The following ASTE1 variants were observed in gnomAD, a reference collection of about 807,000 sequenced individuals.
ASTE1 encodes single-strand DNA endonuclease ASTE1.
In ASTE1, 49 loss-of-function variants were observed where a neutral mutation model predicts 45.8. That is an observed-to-expected ratio of 1.07 (90% CI 0.85 to 1.36). The LOEUF is 1.36. Ranked by LOEUF, ASTE1 falls within the 40% of genes most tolerant of loss-of-function variation. The pLI, the probability that ASTE1 is intolerant of heterozygous loss-of-function variation, is 0.00. For synonymous variants in ASTE1, 296 were observed against 303.9 expected, an observed-to-expected ratio of 0.97 and a Z score of 0.27; for missense variants, 709 against 804.0, an observed-to-expected ratio of 0.88 and a Z score of 1.43.
rs1048793968 is a variant in ASTE1, at chr3:131,017,088, C to G, written c.1514-749G>C. On this transcript the variant is annotated intron_variant, in intron 4 of 5. Coordinates refer to ENST00000264992, the MANE Select transcript of ASTE1 (RefSeq NM_014065.4). ...AACAGACCCTTGACATGCCCCTTCTCTTGGACTCAGGTAAAAACTTAATAG... is the reference window on the plus strand; with the variant it reads ...AACAGACCCTTGACATGCCCCTTCTGTTGGACTCAGGTAAAAACTTAATAG... 25 of 1,274,766 alleles carry G rather than the reference C, an allele frequency of 2.0e-5. No individual in the cohort carries two copies. In the African/African-American group the frequency reaches 3.8e-4, roughly 20 times the overall value. 79.0% of individuals were successfully genotyped at this position (1,274,766 alleles called of 1,614,324 possible). A position where few individuals can be genotyped will look rare whatever the true frequency, so the allele number is the denominator to read the frequency against.
intron 4 of ASTE1, 143 bp from the exon 5 acceptor site, chr3:131,016,482 G>A (rs2063639297): frequency 1.1e-6 from 1 of 903,732 alleles, no homozygotes; most frequent in Non-Finnish European, 1.7e-6. Flanking sequence ...CTTCATAAAT[G>A]CCTTGCTGTA....
In ASTE1 at chr3:131,024,101, GA is replaced by G. The variant is rs751403128; in HGVS notation, c.1205del (p.Phe402SerfsTer19). ...TTTTATTAATCCTTTCCACTTCACT[GA>G]AAGCTAGAGGCTGAGGAGGCAATGC... ...WNALPPQPLA[F>X]SEVERINKNI... is the part of the protein sequence containing the mutation. On this transcript the variant is annotated frameshift_variant, in exon 3 of 6. Transcript: ENST00000264992. LOFTEE classifies it high-confidence loss of function. 6 of 1,614,226 alleles carry G rather than the reference GA, an allele frequency of 3.7e-6. No homozygotes were observed. Among genetic ancestry groups the G allele is most frequent in the Non-Finnish European group, 5.1e-6 (6 of 1,180,016 alleles).
intron 3 of ASTE1, among the ~76,000 whole-genome samples, chr3:131,022,644 G>A (rs2063758771): frequency 6.6e-6 from 1 of 152,058 alleles, no homozygotes; most frequent in South Asian, 2.1e-4. Flanking sequence ...ATAAACTTGT[G>A]CAGCCATCAC....
At position 131,018,744 on chromosome 3, in the gene ASTE1, A is replaced by G. The variant is rs367878698; in HGVS notation, c.1303-28T>C. The G allele has an allele frequency of 5.6e-6, 9 of 1,603,912 alleles. No individual in the cohort carries two copies. In the African/African-American group the frequency reaches 1.2e-4, roughly 21 times the overall value. ...GAAAATACACACCAAGTATCCTGCA[A>G]GTTACTTTGGGAAATGTCTGTTATT... is the stretch of plus-strand genomic sequence containing the variant. On this transcript the variant is annotated intron_variant, in intron 3 of 5. Coordinates refer to ENST00000264992, the MANE Select transcript of ASTE1 (RefSeq NM_014065.4).
intron 4 of ASTE1, among the ~76,000 whole-genome samples, chr3:131,017,216 TTTGTG>T (rs2063662260): frequency 6.6e-6 from 1 of 152,234 alleles, no homozygotes; most frequent in Non-Finnish European, 1.5e-5. Context: ...ACTGATTTGT[TTTGTG>T]TTAAGTTGGC....
At chr3:131,018,303 G>A (rs1560059731) in intron 4 of ASTE1, among the ~76,000 whole-genome samples, 1 of 152,154 alleles carries the variant, frequency 6.6e-6, no homozygotes, top group Non-Finnish European at 1.5e-5. Context: ...TAAGATTCAA[G>A]CCCTCCAGCA....
intron 1 of ASTE1, among the ~76,000 whole-genome samples, chr3:131,026,035 G>T (rs1161111446): frequency 6.6e-6 from 1 of 152,200 alleles, no homozygotes; most frequent in Middle Eastern, 3.4e-3. Context: ...AACTTAACTC[G>T]CAGGATCAGA....
At chr3:131,018,843 T>TG in intron 3 of ASTE1, 127 bp from the exon 4 acceptor site, 2 of 927,590 alleles carry the variant, frequency 2.2e-6, no homozygotes, top group East Asian at 2.6e-5. Context: ...TATCTTCTTG[T>TG]GGGAAAAAAA....
intron 5 of ASTE1, chr3:131,015,179 T>A (rs1205249056): frequency 1.4e-6 from 1 of 701,562 alleles, no homozygotes; most frequent in Admixed American, 2.0e-5. Flanking sequence ...GGAGGCTTTT[T>A]ACCTTGAAAC....
intron 3 of ASTE1, among the ~76,000 whole-genome samples, chr3:131,020,040 T>G (rs1376177648): frequency 6.6e-6 from 1 of 152,178 alleles, no homozygotes; most frequent in African/African-American, 2.4e-5. Flanking sequence ...ACACCAACTC[T>G]TTTCTGATAT....
rs773832986 is a variant in ASTE1, at chr3:131,025,154, C to A, written c.153G>T (p.Gly51=). Residue 51 remains glycine, a synonymous_variant, in exon 3 of 6, where the codon GGG becomes GGT. Coordinates refer to ENST00000264992, the MANE Select transcript of ASTE1 (RefSeq NM_014065.4). ...CAACATCTGCAAAAGAATCATAGTC[C>A]CCTCCATACCGGAGATCCAAGTTTG... ...FSSNLDLRYG[G]DYDSFADVVQ... The A allele has an allele frequency of 3.7e-6, 6 of 1,614,108 alleles. No homozygotes were observed. Among genetic ancestry groups the A allele is most frequent in the Middle Eastern group, 1.6e-4 (1 of 6,062 alleles).
At position 131,014,282 on chromosome 3, in the gene ASTE1, TTCATA is replaced by T; in HGVS notation, c.1810_1814del (p.Tyr604IlefsTer13). Reference sequence around the variant, plus strand: ...ATGACCTTGTGGCATTGAATAGATATTCATAAAGTTGCTTAGCCTCAGGACATATG... The same window carrying T: ...ATGACCTTGTGGCATTGAATAGATATAAGTTGCTTAGCCTCAGGACATATG... On this transcript the variant is annotated frameshift_variant, in exon 6 of 6. Transcript: ENST00000264992. LOFTEE classifies it low-confidence loss of function (END_TRUNC). The T allele has an allele frequency of 6.2e-7, 1 of 1,614,080 alleles. No homozygotes were observed. Among genetic ancestry groups the T allele is most frequent in the Non-Finnish European group, 8.5e-7 (1 of 1,180,002 alleles).
At chr3:131,014,650 A>C (rs2063504738) in intron 5 of ASTE1, among the ~76,000 whole-genome samples, 1 of 152,236 alleles carries the variant, frequency 6.6e-6, no homozygotes, top group Admixed American at 6.5e-5. Flanking sequence ...AGCTAGCCCC[A>C]GACTGAGCAG....
In ASTE1 at chr3:131,025,082, A is replaced by G; in HGVS notation, c.225T>C (p.Tyr75=). The G allele has an allele frequency of 1.2e-6, 2 of 1,613,854 alleles. No individual in the cohort carries two copies. The highest frequency in any genetic ancestry group is 1.7e-6 in the Non-Finnish European group (2 of 1,179,864). Residue 75 remains tyrosine, a synonymous_variant, in exon 3 of 6, where the codon TAT becomes TAC. Transcript: ENST00000264992. The part of the protein sequence containing the change: ...ESLFACNICP[Y]VVLDGGCDIS... The stretch of plus-strand genomic sequence containing the variant: ...TGTCACATCCTCCATCTAATACAAC[A>G]TATGGGCATATATTACAAGCAAACA...
At chr3:131,016,846 T>C (rs2063650261) in intron 4 of ASTE1, 1 of 483,390 alleles carries the variant, frequency 2.1e-6, no homozygotes, top group African/African-American at 2.0e-5. Flanking sequence ...CTTTTCATAG[T>C]AGAGGATAAG....
intron 4 of ASTE1, among the ~76,000 whole-genome samples, 161 bp downstream of exon 4, chr3:131,018,344 AT>A (rs2063693470): frequency 6.6e-6 from 1 of 152,376 alleles, no homozygotes; most frequent in South Asian, 2.1e-4. Flanking sequence ...GTTAAAAAAT[AT>A]TTACCAATGA....
chr3:131,015,099 C>T, intron 5 of ASTE1: 1 of 572,684 alleles, frequency 1.7e-6, no homozygotes, highest in Non-Finnish European at 3.1e-6. Context: ...GGGTCAAAGG[C>T]CAATTAGTCT....
In ASTE1 at chr3:131,024,377, G is replaced by A; in HGVS notation, c.930C>T (p.Phe310=). ...QQSQVKLQDF[F]QCGTYVCPDA... ...CTGGACAGACATAAGTACCACACTG[G>A]AAGAAGTCCTGTAGCTTCACCTGGG... The change falls in exon 3 of 6, where the codon TTC becomes TTT. Residue 310 remains phenylalanine (F), a synonymous_variant. Transcript: ENST00000264992. The A allele has an allele frequency of 6.2e-7, 1 of 1,614,230 alleles. No individual in the cohort carries two copies. The highest frequency in any genetic ancestry group is 8.5e-7 in the Non-Finnish European group (1 of 1,180,032).
rs2063827743 is a variant in ASTE1 at position 131,025,477 on chromosome 3, G to A, written c.-29C>T. 1 of 1,098,004 alleles carries A rather than the reference G, an allele frequency of 9.1e-7. No homozygotes were observed. The highest frequency in any genetic ancestry group is 1.2e-6 in the Non-Finnish European group (1 of 814,052). The allele number at this position is 1,098,004 out of a possible 1,614,324, so 68.0% of individuals were successfully genotyped here. On this transcript the variant is annotated 5_prime_UTR_variant, in exon 2 of 6. Transcript: ENST00000264992. ...TATCAACATCATAAATTCTTACCTA[G>A]ATCCTCAAGCAATGTTAGCTGTGCT...
Sources: gnomAD v4.1 joint callset for allele counts (sites outside exome capture counted in the v4.1 genomes callset) on GRCh38, gnomAD v4.1.1 for gene constraint, MANE v1.5 for transcripts, NCBI Gene and HGNC (gene_info 2026-07-23, HGNC 2026-07-21) for gene names.